Variants in DNAI2 observed in about 807,000 individuals in gnomAD.
The protein encoded by DNAI2 is dynein, axonemal, intermediate polypeptide 2.
DNAI2 carries 63 observed loss-of-function variants against 74.7 expected under a neutral mutation model. That is an observed-to-expected ratio of 0.84 (90% CI 0.69 to 1.04). The LOEUF is 1.04. DNAI2 is among the 50% of genes least tolerant of loss of function. DNAI2 has a pLI of 0.00. For missense variants in DNAI2, 688 were observed against 803.2 expected (o/e 0.86, Z 1.73); for synonymous variants, 289 against 314.9 (o/e 0.92, Z 0.87).
At chr17:74,309,443 C>T (rs746594269) in intron 10 of DNAI2, 55 bp downstream of exon 10, 6 of 1,612,196 alleles carry the variant, frequency 3.7e-6, no homozygotes, top group East Asian at 2.2e-5. Context: ...CAGGTCCCGG[C>T]GTGGGTGTGA....
In DNAI2 at chr17:74,285,131, A is replaced by G; in HGVS notation, c.275A>G (p.Gln92Arg). 3 of 1,614,268 alleles carry G rather than the reference A, an allele frequency of 1.9e-6. No individual in the cohort carries two copies. The highest frequency in any genetic ancestry group is 2.5e-6 in the Non-Finnish European group (3 of 1,180,048). ...PKDVNPLELEQTIRFRKKVEK... is the reference protein window; with the variant it reads ...PKDVNPLELERTIRFRKKVEK... ...GACGTGAACCCCCTGGAGCTGGAGC[A>G]GACCATCCGTTTCCGGAAGAAAGTG... The change falls in exon 3 of 14, where the codon CAG (glutamine) becomes CGG (arginine). Residue 92 changes from glutamine to arginine, a missense_variant. Transcript: ENST00000311014.
chr17:74,279,032 T>G (rs1484281982), intron 1 of DNAI2, among the ~76,000 whole-genome samples: 1 of 152,076 alleles, frequency 6.6e-6, no homozygotes. Flanking sequence ...CCGGGTGTGG[T>G]GGTGGGCACC....
chr17:74,275,018 C>A (rs2050979757), intron 1 of DNAI2, among the ~76,000 whole-genome samples: 1 of 152,188 alleles, frequency 6.6e-6, no homozygotes, highest in Non-Finnish European at 1.5e-5. Flanking sequence ...GTTTCAAATC[C>A]TTTGCTTGTT....
chr17:74,287,044 A>C lies in DNAI2; in HGVS notation c.413A>C (p.Glu138Ala). The C allele has an allele frequency of 1.2e-6, 2 of 1,613,930 alleles. No homozygotes were observed. Among genetic ancestry groups the C allele is most frequent in the Non-Finnish European group, 1.7e-6 (2 of 1,179,848 alleles). ...DIYEEYFNDE[E>A]AMEVMEEDPS... The stretch of plus-strand genomic sequence containing the variant: ...TATGAAGAGTATTTCAATGACGAGG[A>C]GGCCATGGAAGTGATGGAGGAGGAC... The change falls in exon 4 of 14, where the codon GAG becomes GCG. Residue 138 changes from glutamate to alanine, a missense_variant. Coordinates refer to ENST00000311014, the MANE Select transcript of DNAI2 (RefSeq NM_023036.6).
chr17:74,289,104 C>T (rs2051923109), intron 4 of DNAI2, among the ~76,000 whole-genome samples: 1 of 152,170 alleles, frequency 6.6e-6, no homozygotes, highest in African/African-American at 2.4e-5. Flanking sequence ...GCAAGCAGGG[C>T]CAGTGGCTGT....
chr17:74,294,682 A>C (rs1346529341), intron 6 of DNAI2, among the ~76,000 whole-genome samples: 1 of 152,072 alleles, frequency 6.6e-6, no homozygotes, highest in Admixed American at 6.6e-5. Context: ...TGCTTTCAAG[A>C]GTCTCTGTCT....
rs1022936064 is a variant in DNAI2 at position 74,300,769 on chromosome 17, T to G, written c.865-277T>G. On this transcript the variant is annotated intron_variant, in intron 7 of 13. Transcript: ENST00000311014. The surrounding 1 kb of genome is among the most constrained non-coding windows in gnomAD (Gnocchi z 4.5). The stretch of plus-strand genomic sequence containing the variant: ...GGGAGTCTTGGCATATACCGATTCT[T>G]GGCCTTGCACCTGGAGGTTTTGATT... 6.6e-6 allele frequency among the ~76,000 whole-genome samples: 1 copy of G among 152,214 alleles called. No homozygotes were observed. The highest frequency in any genetic ancestry group is 1.5e-5 in the Non-Finnish European group (1 of 68,040).
intron 4 of DNAI2, among the ~76,000 whole-genome samples, chr17:74,289,076 A>G (rs2143936856): frequency 6.6e-6 from 1 of 152,352 alleles, no homozygotes. Flanking sequence ...TTTCTGAGGC[A>G]GGGCTGACTC....
intron 6 of DNAI2, among the ~76,000 whole-genome samples, chr17:74,295,846 G>C (rs60042096): frequency 6.6e-6 from 1 of 152,090 alleles, no homozygotes; most frequent in Admixed American, 6.6e-5. Flanking sequence ...GCTTAGCTTA[G>C]TGATTAGTTA....
chr17:74,294,464 C>T (rs1443121897), intron 6 of DNAI2, among the ~76,000 whole-genome samples: 2 of 152,050 alleles, frequency 1.3e-5, no homozygotes, highest in South Asian at 2.1e-4. Flanking sequence ...TGCACGTCAC[C>T]ACACTCAGCT....
chr17:74,284,139 A>C (rs2051553424), intron 2 of DNAI2, among the ~76,000 whole-genome samples: 1 of 92,792 alleles, frequency 1.1e-5, no homozygotes. Flanking sequence ...ACTCCTTTTC[A>C]AAAAAAAAAA....
Position 74,314,668 on chromosome 17 carries a change from C to T in DNAI2, c.*135C>T, listed in dbSNP as rs773412901. On this transcript the variant is annotated 3_prime_UTR_variant, in exon 14 of 14. Transcript: ENST00000311014. ...TGGGGAAGGGTTTCTCCTCCATGAT[C>T]GACCCTCCTCGTCCACCTACAAATC... The T allele has an allele frequency of 8.7e-6, 2 of 230,722 alleles. No individual in the cohort carries two copies. The highest frequency in any genetic ancestry group is 1.8e-5 in the Non-Finnish European group (2 of 113,362). 14.3% of individuals were successfully genotyped at this position (230,722 alleles called of 1,614,324 possible).
At chr17:74,302,548 CAA>C (rs953812945) in intron 8 of DNAI2, among the ~76,000 whole-genome samples, 16 of 151,300 alleles carry the variant, frequency 1.1e-4, no homozygotes, top group Admixed American at 3.9e-4. Flanking sequence ...GCCTGGACGA[CAA>C]GAGCGAAACT....
rs2052725302 is a variant in DNAI2, at chr17:74,300,953, C to T, written c.865-93C>T. 1 of 1,574,106 alleles carries T rather than the reference C, an allele frequency of 6.4e-7. No individual in the cohort carries two copies. Among genetic ancestry groups the T allele is most frequent in the Non-Finnish European group, 8.7e-7 (1 of 1,154,118 alleles). On this transcript the variant is annotated intron_variant, in intron 7 of 13. Coordinates refer to ENST00000311014, the MANE Select transcript of DNAI2 (RefSeq NM_023036.6). The surrounding 1 kb of genome is among the most constrained non-coding windows in gnomAD (Gnocchi z 4.5). The stretch of plus-strand genomic sequence containing the variant: ...AGCTCCATCCTTTGTGGCCCAGTGG[C>T]TGACCCCAGGACGGTGGGGTGAGGG...
chr17:74,277,726 C>T (rs2051181697), intron 1 of DNAI2, among the ~76,000 whole-genome samples: 2 of 152,220 alleles, frequency 1.3e-5, no homozygotes, highest in African/African-American at 2.4e-5. Context: ...TAGTCATGTT[C>T]ACCTAGGGTG....
intron 10 of DNAI2, 88 bp from the exon 11 acceptor site, chr17:74,309,929 G>A (rs2053415791): frequency 1.3e-5 from 21 of 1,574,134 alleles, no homozygotes; most frequent in Non-Finnish European, 1.8e-5. Flanking sequence ...AGGGCCAAGT[G>A]GCTGAGCCTC....
rs1402595577 is a variant in DNAI2 at position 74,282,017 on chromosome 17, A to G, written c.183+17A>G. The G allele has an allele frequency of 1.2e-6, 2 of 1,613,476 alleles. No individual in the cohort carries two copies. The highest frequency in any genetic ancestry group is 1.7e-6 in the Non-Finnish European group (2 of 1,179,908). On this transcript the variant is annotated intron_variant, in intron 2 of 13. Coordinates refer to ENST00000311014, the MANE Select transcript of DNAI2 (RefSeq NM_023036.6). ...GAACACGAGGTGGGTCCCTGCCCCAAGGGCCCTGGCCTGTCAGGTGTGGCC... is the reference window on the plus strand; with the variant it reads ...GAACACGAGGTGGGTCCCTGCCCCAGGGGCCCTGGCCTGTCAGGTGTGGCC...
intron 2 of DNAI2, 102 bp downstream of exon 2, chr17:74,282,102 C>A: frequency 7.3e-7 from 1 of 1,376,822 alleles, no homozygotes; most frequent in Non-Finnish European, 1.0e-6. Flanking sequence ...CACCTGAAAG[C>A]CAGTTAGAGT....
chr17:74,298,354 G>T (rs1426172000), intron 6 of DNAI2, among the ~76,000 whole-genome samples: 1 of 152,140 alleles, frequency 6.6e-6, no homozygotes. Context: ...GCCCAGGCTG[G>T]AGTGCAATGG....
Sources: gnomAD v4.1 joint callset for allele counts (sites outside exome capture counted in the v4.1 genomes callset) on GRCh38, gnomAD v4.1.1 for gene constraint, Gnocchi (gnomAD v3.1) non-coding constraint, MANE v1.5 for transcripts, NCBI Gene and HGNC (gene_info 2026-07-23, HGNC 2026-07-21) for gene names.